TENM2: variants seen among roughly 807,000 people sequenced by gnomAD.
TENM2 encodes teneurin transmembrane protein 2, also known as teneurin-2.
In TENM2, 52 loss-of-function variants were observed where a neutral mutation model predicts 245.2. That is an observed-to-expected ratio of 0.21 (90% CI 0.17 to 0.27). The LOEUF is 0.27. Among genes scored for constraint, TENM2 ranks in the 10% least tolerant of loss-of-function variants. TENM2 has a pLI of 1.00. For synonymous variants in TENM2, 1,363 were observed against 1,438.9 expected, an observed-to-expected ratio of 0.95 and a Z score of 1.19; for missense variants, 3,046 against 3,666.8, an observed-to-expected ratio of 0.83 and a Z score of 4.37.
chr5:167,872,526 AAGAAAGAAAGAAAGAAAGAAAG>A (rs1459621736), intron 2 of TENM2, among the ~76,000 whole-genome samples: 2,802 of 50,072 alleles, frequency 0.056, 56 homozygotes, highest in Middle Eastern at 0.1. Context: ...GAAAGAAAGA[AAGAAAGAAAGAAAGAAAGAAAG>A]AGAAAGAAAG....
chr5:167,550,235 C>CTG (rs1306792652), intron 2 of TENM2, among the ~76,000 whole-genome samples: 1 of 152,152 alleles, frequency 6.6e-6, no homozygotes, highest in Non-Finnish European at 1.5e-5. Context: ...AGTGAATATA[C>CTG]CTAGCTACAA....
At chr5:167,067,383 T>C in the TENM2 span, among the ~76,000 whole-genome samples, 1 of 152,158 alleles carries the variant, frequency 6.6e-6, no homozygotes, top group African/African-American at 2.4e-5. Flanking sequence ...TATGATTGTG[T>C]TTTGATTGAC....
chr5:167,831,123 T>G (rs1268429293), intron 2 of TENM2, among the ~76,000 whole-genome samples: 1 of 152,146 alleles, frequency 6.6e-6, no homozygotes, highest in Non-Finnish European at 1.5e-5. Context: ...CTTCTTCTCC[T>G]TCTCTCTTCC....
the TENM2 span, among the ~76,000 whole-genome samples, chr5:167,242,979 T>A: frequency 6.6e-6 from 1 of 151,408 alleles, no homozygotes; most frequent in African/African-American, 2.4e-5. Flanking sequence ...TCAGATTCTG[T>A]GCGTATGTAA....
intron 25 of TENM2, among the ~76,000 whole-genome samples, chr5:168,236,973 TATATATATATATATATATATA>T (rs1765535468): frequency 1.8e-4 from 1 of 5,582 alleles, no homozygotes; most frequent in Non-Finnish European, 4.0e-4. Context: ...TATATATATA[TATATATATATATATATATATA>T]TATATATTTT....
At chr5:167,770,102 G>C (rs542288086) in intron 2 of TENM2, among the ~76,000 whole-genome samples, 2 of 152,258 alleles carry the variant, frequency 1.3e-5, no homozygotes, top group Admixed American at 1.3e-4. Context: ...ACTAATATTT[G>C]TTGAGTTCTT....
intron 4 of TENM2, among the ~76,000 whole-genome samples, chr5:167,957,110 T>A (rs1780621711): frequency 6.6e-6 from 1 of 152,114 alleles, no homozygotes; most frequent in Admixed American, 6.5e-5. Context: ...TCTGGGCTTT[T>A]TTTTTTGTTG....
At chr5:167,457,210 A>G (rs950243257) in intron 2 of TENM2, among the ~76,000 whole-genome samples, 6 of 152,212 alleles carry the variant, frequency 3.9e-5, no homozygotes, top group Admixed American at 1.3e-4. Flanking sequence ...TAGTAGACCA[A>G]TCATTCTAAA....
chr5:167,240,635 G>A, the TENM2 span, among the ~76,000 whole-genome samples: 319 of 120,868 alleles, frequency 2.6e-3, 2 homozygotes, highest in African/African-American at 0.011. Flanking sequence ...CTTTTCCAAC[G>A]TCTTTTCACG....
At chr5:167,532,824 G>GTT (rs1470026065) in intron 2 of TENM2, among the ~76,000 whole-genome samples, 3 of 96,646 alleles carry the variant, frequency 3.1e-5, no homozygotes, top group African/African-American at 4.7e-5. Flanking sequence ...GTGTGTGTGT[G>GTT]TGTATATATA....
At chr5:167,178,792 A>T in the TENM2 span, among the ~76,000 whole-genome samples, 1 of 152,238 alleles carries the variant, frequency 6.6e-6, no homozygotes, top group Non-Finnish European at 1.5e-5. Context: ...AAAGAGTCAC[A>T]TTGAGACTTG....
the TENM2 span, among the ~76,000 whole-genome samples, chr5:167,200,573 A>G: frequency 4.9e-4 from 75 of 152,082 alleles, no homozygotes; most frequent in African/African-American, 1.6e-3. Flanking sequence ...TCTAAGGATA[A>G]CTCTGTCACC....
intron 2 of TENM2, among the ~76,000 whole-genome samples, chr5:167,690,007 C>A (rs975592269): frequency 1.3e-5 from 2 of 151,476 alleles, no homozygotes; most frequent in Non-Finnish European, 2.9e-5. Context: ...TTTGGTTTGC[C>A]ATAATTTTGG....
At chr5:167,327,851 C>T (rs1274076035) in intron 1 of TENM2, among the ~76,000 whole-genome samples, 2 of 152,070 alleles carry the variant, frequency 1.3e-5, no homozygotes, top group African/African-American at 2.4e-5. Context: ...CATTGTGGGG[C>T]TTTGTATGTT....
At chr5:167,244,749 A>C in the TENM2 span, among the ~76,000 whole-genome samples, 1 of 152,124 alleles carries the variant, frequency 6.6e-6, no homozygotes, top group Non-Finnish European at 1.5e-5. Context: ...GGTGTCTCTC[A>C]GTCTCCCAAG....
the TENM2 span, among the ~76,000 whole-genome samples, chr5:167,265,701 T>G: frequency 6.6e-6 from 1 of 152,158 alleles, no homozygotes; most frequent in Non-Finnish European, 1.5e-5. Context: ...TGTCTTCTTA[T>G]GCTGCAAACT....
intron 2 of TENM2, among the ~76,000 whole-genome samples, chr5:167,794,109 C>T (rs1249063214): frequency 6.6e-6 from 1 of 152,008 alleles, no homozygotes; most frequent in African/African-American, 2.4e-5. Context: ...TTTCTATCCA[C>T]CTATTCAATT....
At chr5:168,149,259 C>T (rs556051250) in intron 12 of TENM2, among the ~76,000 whole-genome samples, 14 of 152,214 alleles carry the variant, frequency 9.2e-5, no homozygotes, top group East Asian at 5.8e-4. Flanking sequence ...TGTCCTGATG[C>T]GGCACGATGC....
intron 2 of TENM2, among the ~76,000 whole-genome samples, chr5:167,817,702 C>T (rs978301645): frequency 7.9e-5 from 12 of 152,092 alleles, no homozygotes; most frequent in African/African-American, 2.4e-4. Flanking sequence ...TCAGTATTAA[C>T]GTAGAGAGGC....
Sources: gnomAD v4.1 joint callset for allele counts (sites outside exome capture counted in the v4.1 genomes callset) on GRCh38, gnomAD v4.1.1 for gene constraint, MANE v1.5 for transcripts, NCBI Gene and HGNC (gene_info 2026-07-23, HGNC 2026-07-21) for gene names.